The following UBA2 variants were observed in gnomAD, a reference collection of about 807,000 sequenced individuals.
The protein encoded by UBA2 is ubiquitin like modifier activating enzyme 2.
Under a neutral mutation model 77.2 loss-of-function variants are expected in UBA2, and 11 were observed. The ratio of observed to expected loss-of-function variants is 0.14; its 90% CI spans 0.09 to 0.24. The LOEUF (loss-of-function observed/expected upper bound fraction) is 0.24, where lower values mean the gene tolerates loss of function less well. Among genes scored for constraint, UBA2 ranks in the 10% least tolerant of loss-of-function variants. The pLI, the probability that UBA2 is intolerant of heterozygous loss-of-function variation, is 1.00. For missense variants in UBA2, 487 were observed against 781.7 expected (o/e 0.62, Z 4.50); for synonymous variants, 278 against 276.7 (o/e 1.00, Z -0.05).
rs554129871 is a variant in UBA2, at chr19:34,459,165, C to T, written c.1401+241C>T. Among the ~76,000 whole-genome samples, 49 of 152,292 alleles carry T rather than the reference C, an allele frequency of 3.2e-4. 2 individuals are homozygous for T. The South Asian group carries it at 0.01, about 32-fold the overall frequency. ...TGGAATCTGCAGCACAGTGGTGGCACAGTATCACAGCAAGCAGAGGACTTC... is the reference window on the plus strand; with the variant it reads ...TGGAATCTGCAGCACAGTGGTGGCATAGTATCACAGCAAGCAGAGGACTTC... On this transcript the variant is annotated intron_variant, in intron 13 of 16. Coordinates refer to ENST00000246548, the MANE Select transcript of UBA2 (RefSeq NM_005499.3).
chr19:34,428,636 G>C lies in UBA2; in HGVS notation c.138+66G>C, dbSNP rs968393606. 8 of 1,247,514 alleles carry C rather than the reference G, an allele frequency of 6.4e-6. No individual in the cohort carries two copies. In the African/African-American group the frequency reaches 1.1e-4, roughly 17 times the overall value. The allele number at this position is 1,247,514 out of a possible 1,614,324, so 77.3% of individuals were successfully genotyped here. A position where few individuals can be genotyped will look rare whatever the true frequency, so the allele number is the denominator to read the frequency against. On this transcript the variant is annotated intron_variant, in intron 1 of 16. Transcript: ENST00000246548. ...GCGGGGGCTGGGATTCGGGGGTTCC[G>C]GGGCTCCAGGGGCTCTGAGGCTCAG...
chr19:34,436,301 A>G (rs1333624841), intron 5 of UBA2, among the ~76,000 whole-genome samples: 1 of 124,804 alleles, frequency 8.0e-6, no homozygotes, highest in Non-Finnish European at 1.6e-5. Flanking sequence ...TTATTTATTT[A>G]TTTGTTTATT....
chr19:34,430,474 G>T, intron 1 of UBA2, 102 bp from the exon 2 acceptor site: 1 of 752,044 alleles, frequency 1.3e-6, no homozygotes, highest in Non-Finnish European at 2.2e-6. Flanking sequence ...CTCCACTAAT[G>T]TAGCAGATAT....
chr19:34,432,063 C>T, intron 3 of UBA2, 132 bp downstream of exon 3: 1 of 614,252 alleles, frequency 1.6e-6, no homozygotes, highest in Non-Finnish European at 2.8e-6. Context: ...TTTCTGCTTA[C>T]AGAGTGGCAT....
chr19:34,465,031 TC>T (rs746250684), intron 15 of UBA2, among the ~76,000 whole-genome samples: 2 of 151,708 alleles, frequency 1.3e-5, no homozygotes, highest in Non-Finnish European at 2.9e-5. Flanking sequence ...AGAGCAAAAC[TC>T]CATCTCAAAA....
chr19:34,439,019 G>A (rs1438032164), intron 6 of UBA2, among the ~76,000 whole-genome samples: 1 of 152,070 alleles, frequency 6.6e-6, no homozygotes, highest in African/African-American at 2.4e-5. Context: ...GACCAGCGTG[G>A]CCAGCATGGT....
intron 6 of UBA2, among the ~76,000 whole-genome samples, chr19:34,441,931 A>AG (rs1491534508): frequency 4.7e-5 from 1 of 21,240 alleles, no homozygotes; most frequent in South Asian, 1.5e-3. Flanking sequence ...AGAAAAAGAC[A>AG]AAAAAAAAAA....
intron 7 of UBA2, among the ~76,000 whole-genome samples, 169 bp from the exon 8 acceptor site, chr19:34,444,831 G>T (rs1220022629): frequency 1.3e-5 from 2 of 151,990 alleles, no homozygotes; most frequent in Admixed American, 6.6e-5. Context: ...AAAGAAACTG[G>T]GATACAAAAA....
rs1599896486 is a variant in UBA2, at chr19:34,438,894, T to C, written c.581+128T>C. ...TATGGTGAAGGGATGCTTTAGTAGC[T>C]TTCTTGCAGTATTTCTTAGGTTAAA... On this transcript the variant is annotated intron_variant, in intron 6 of 16. Coordinates refer to ENST00000246548, the MANE Select transcript of UBA2 (RefSeq NM_005499.3). 4.8e-5 allele frequency: 60 copies of C among 1,259,010 alleles called. 1 individual carries two copies. In the South Asian group the frequency reaches 8.0e-4, roughly 17 times the overall value. 78.0% of individuals were successfully genotyped at this position (1,259,010 alleles called of 1,614,324 possible). A position where few individuals can be genotyped will look rare whatever the true frequency, so the allele number is the denominator to read the frequency against.
At chr19:34,441,339 C>T (rs1035739695) in intron 6 of UBA2, among the ~76,000 whole-genome samples, 3 of 152,046 alleles carry the variant, frequency 2.0e-5, no homozygotes, top group Non-Finnish European at 4.4e-5. Flanking sequence ...CCTGTAGTCC[C>T]AGCTGCTCAG....
intron 9 of UBA2, among the ~76,000 whole-genome samples, chr19:34,451,576 C>T (rs969995678): frequency 2.0e-5 from 2 of 99,924 alleles, no homozygotes; most frequent in Non-Finnish European, 3.6e-5. Context: ...GAGACAGAGT[C>T]TTGCTCTGTC....
intron 9 of UBA2, among the ~76,000 whole-genome samples, chr19:34,451,109 C>G (rs1430875440): frequency 6.6e-6 from 1 of 152,080 alleles, no homozygotes; most frequent in Non-Finnish European, 1.5e-5. Context: ...TCAAGCCATC[C>G]TCCTCCCTCA....
intron 15 of UBA2, among the ~76,000 whole-genome samples, chr19:34,465,079 G>C (rs994799325): frequency 6.6e-6 from 1 of 152,114 alleles, no homozygotes; most frequent in African/African-American, 2.4e-5. Flanking sequence ...TGAGTCTATA[G>C]CACAGTTAAG....
intron 1 of UBA2, among the ~76,000 whole-genome samples, chr19:34,429,674 CA>C (rs940309030): frequency 6.6e-6 from 1 of 151,412 alleles, no homozygotes; most frequent in Non-Finnish European, 1.5e-5. Context: ...CCCGTCTCTA[CA>C]AAAAAAGAAA....
chr19:34,433,634 T>C (rs1475570471), intron 4 of UBA2, among the ~76,000 whole-genome samples: 1 of 152,154 alleles, frequency 6.6e-6, no homozygotes, highest in Non-Finnish European at 1.5e-5. Context: ...TACCAAAAGG[T>C]ATAAATAGAA....
chr19:34,434,263 A>G (rs2075286505), intron 4 of UBA2, among the ~76,000 whole-genome samples: 2 of 152,112 alleles, frequency 1.3e-5, no homozygotes, highest in South Asian at 4.1e-4. Context: ...GACAGGTACC[A>G]CCATACCCGG....
At chr19:34,429,726 C>A (rs1272940353) in intron 1 of UBA2, among the ~76,000 whole-genome samples, 1 of 151,924 alleles carries the variant, frequency 6.6e-6, no homozygotes, top group East Asian at 1.9e-4. Context: ...GTCCCAGCTA[C>A]CCGGGAGGCT....
chr19:34,455,767 C>G (rs1191338449), intron 12 of UBA2, among the ~76,000 whole-genome samples: 1 of 151,996 alleles, frequency 6.6e-6, no homozygotes, highest in African/African-American at 2.4e-5. Context: ...TCTCAGCCTC[C>G]TCAGTAGCTA....
chr19:34,442,045 G>A (rs752559941), intron 6 of UBA2, among the ~76,000 whole-genome samples: 2 of 151,966 alleles, frequency 1.3e-5, no homozygotes, highest in Non-Finnish European at 2.9e-5. Flanking sequence ...GAGCAGTGTG[G>A]GCAACATAGT....
Sources: allele counts gnomAD v4.1 joint callset (sites outside exome capture counted in the v4.1 genomes callset), GRCh38; gene constraint gnomAD v4.1.1; transcripts MANE v1.5; gene names NCBI Gene and HGNC (gene_info 2026-07-23, HGNC 2026-07-21).